Variants in USP13 observed in about 807,000 individuals in gnomAD.
USP13 encodes ubiquitin specific peptidase 13.
In USP13, 68 loss-of-function variants were observed where a neutral mutation model predicts 107.8. That is an observed-to-expected ratio of 0.63 (90% CI 0.52 to 0.77). The LOEUF is 0.77. Ranked by LOEUF, USP13 falls within the 30% of genes least tolerant of loss-of-function variation. The pLI is 0.00. For missense variants in USP13, 945 were observed against 1,093.3 expected, an observed-to-expected ratio of 0.86 and a Z score of 1.91; for synonymous variants, 377 against 389.5, an observed-to-expected ratio of 0.97 and a Z score of 0.38.
chr3:179,693,760 G>A (rs1028325894), intron 3 of USP13, among the ~76,000 whole-genome samples: 2 of 151,788 alleles, frequency 1.3e-5, no homozygotes, highest in Non-Finnish European at 2.9e-5. Flanking sequence ...TGCAATATCC[G>A]CCCTCCGAGT....
rs1264103846 is a variant in USP13, at chr3:179,698,494, GT to G, written c.356-2503del. The stretch of plus-strand genomic sequence containing the variant: ...CATAGCTAGTAAATGCCAGAGTGGG[GT>G]TTTTTTTTTTCTTGTATTATATTTA... On this transcript the variant is annotated intron_variant, in intron 3 of 20. Transcript: ENST00000263966. Among the ~76,000 whole-genome samples, 122 of 148,928 alleles carry G rather than the reference GT, an allele frequency of 8.2e-4. 1 individual carries two copies. The highest frequency in any genetic ancestry group is 2.4e-3 in the African/African-American group (95 of 40,404).
chr3:179,757,886 G>A (rs966387122), intron 16 of USP13, among the ~76,000 whole-genome samples: 1 of 152,160 alleles, frequency 6.6e-6, no homozygotes, highest in African/African-American at 2.4e-5. Flanking sequence ...CATGCAACCT[G>A]GTAGGACAAT....
At chr3:179,725,001 C>G (rs1478634189) in intron 8 of USP13, among the ~76,000 whole-genome samples, 1 of 152,174 alleles carries the variant, frequency 6.6e-6, no homozygotes, top group African/African-American at 2.4e-5. Context: ...GGGCAGATCA[C>G]TTGAGGTCAG....
chr3:179,712,063 C>T (rs1470933952), intron 6 of USP13, among the ~76,000 whole-genome samples: 3 of 152,138 alleles, frequency 2.0e-5, no homozygotes. Context: ...CCTTATGGGA[C>T]CACTGCCATA....
rs564349344 is a variant in USP13 at position 179,713,212 on chromosome 3, G to A, written c.805+4255G>A. Among the ~76,000 whole-genome samples, 6 of 152,290 alleles carry A rather than the reference G, an allele frequency of 3.9e-5. 1 individual carries two copies. Among genetic ancestry groups the A allele is most frequent in the African/African-American group, 9.6e-5 (4 of 41,562 alleles). ...CAGCAATGCAGATCGTATACACTGT[G>A]ATAAGGGTTGTGAATTCATTTAGCT... On this transcript the variant is annotated intron_variant, in intron 6 of 20. Transcript: ENST00000263966.
chr3:179,761,150 G>C lies in USP13; in HGVS notation c.1987G>C (p.Glu663Gln). 6.2e-7 allele frequency: 1 copy of C among 1,614,190 alleles called. No individual in the cohort carries two copies. The highest frequency in any genetic ancestry group is 8.5e-7 in the Non-Finnish European group (1 of 1,180,044). ...IDESSVMQLAEMGFPLEACRK... is the reference protein window; with the variant it reads ...IDESSVMQLAQMGFPLEACRK... ...TGAGTCATCAGTGATGCAGCTGGCC[G>C]AGATGGGTTTCCCGCTGGAAGCATG... The change falls in exon 17 of 21, where the codon GAG (glutamate) becomes CAG (glutamine). Residue 663 changes from glutamate (E) to glutamine (Q), a missense_variant. Physicochemically the swap from Glu to Gln is conservative, Grantham distance 29. Coordinates refer to ENST00000263966, the MANE Select transcript of USP13 (RefSeq NM_003940.3).
intron 3 of USP13, among the ~76,000 whole-genome samples, chr3:179,700,512 A>T (rs946269850): frequency 2.6e-5 from 4 of 152,176 alleles, no homozygotes; most frequent in African/African-American, 9.7e-5. Flanking sequence ...AAGTAACATT[A>T]AGTTTTGGAG....
At chr3:179,730,585 CT>C (rs750399804) in intron 9 of USP13, 30 bp from the exon 10 acceptor site, 14 of 1,567,078 alleles carry the variant, frequency 8.9e-6, no homozygotes, top group Non-Finnish European at 1.0e-5. Flanking sequence ...CAACAATGAC[CT>C]TTTTGTTTCT....
At chr3:179,743,848 A>G (rs1714294644) in intron 12 of USP13, among the ~76,000 whole-genome samples, 1 of 151,610 alleles carries the variant, frequency 6.6e-6, no homozygotes, top group African/African-American at 2.4e-5. Context: ...GGACAGGGGA[A>G]TGAATTTTAA....
At position 179,752,320 on chromosome 3, in the gene USP13, T is replaced by C. The variant is rs1714641799; in HGVS notation, c.1745T>C (p.Val582Ala). 6.2e-7 allele frequency: 1 copy of C among 1,614,170 alleles called. No homozygotes were observed. The highest frequency in any genetic ancestry group is 8.5e-7 in the Non-Finnish European group (1 of 1,180,012). Reference protein sequence around the residue: ...SRFASFPEYLVVQIKKFTFGL... With the variant: ...SRFASFPEYLAVQIKKFTFGL... ...TTTGCTTCATTCCCTGAATACTTGG[T>C]AGTGCAGATAAAGAAGTTCACTTTT... The change falls in exon 14 of 21, where the codon GTA (valine) becomes GCA (alanine). Residue 582 changes from valine (V) to alanine (A), a missense_variant. Physicochemically the swap from Val to Ala is moderately conservative, Grantham distance 64 (BLOSUM62 0). Transcript: ENST00000263966.
At chr3:179,717,700 C>T (rs1299211186) in intron 6 of USP13, among the ~76,000 whole-genome samples, 1 of 151,962 alleles carries the variant, frequency 6.6e-6, no homozygotes, top group Non-Finnish European at 1.5e-5. Context: ...ATTTTTTGAT[C>T]CCTTGTCATA....
In USP13 at chr3:179,653,375, C is replaced by CT; in HGVS notation, c.152dup (p.Ser52LeufsTer8). 6.4e-7 allele frequency: 1 copy of CT among 1,566,520 alleles called. No homozygotes were observed. On this transcript the variant is annotated frameshift_variant, in exon 1 of 21. Coordinates refer to ENST00000263966, the MANE Select transcript of USP13 (RefSeq NM_003940.3). LOFTEE classifies it high-confidence loss of function. This position sits in a 1 kb window ranked among gnomAD's most constrained non-coding sequence, Gnocchi z 4.0. Reference sequence around the variant, plus strand: ...ACAGGGTCTACAAGAACGAGTGCGCCTTCTCCTACGACTCTCCCGTAAGTG... The same window carrying CT: ...ACAGGGTCTACAAGAACGAGTGCGCCTTTCTCCTACGACTCTCCCGTAAGTG...
At chr3:179,739,404 G>A (rs1180096685) in intron 10 of USP13, among the ~76,000 whole-genome samples, 3 of 152,172 alleles carry the variant, frequency 2.0e-5, no homozygotes, top group Non-Finnish European at 2.9e-5. Context: ...GGGTGGGCTC[G>A]TGAGCTTGAG....
intron 6 of USP13, among the ~76,000 whole-genome samples, chr3:179,719,699 A>G (rs1014770275): frequency 6.6e-6 from 1 of 152,236 alleles, no homozygotes; most frequent in Non-Finnish European, 1.5e-5. Context: ...CTTGTTTTAG[A>G]AAACTTAAAA....
intron 10 of USP13, among the ~76,000 whole-genome samples, chr3:179,733,281 C>T (rs2108506528): frequency 6.6e-6 from 1 of 152,290 alleles, no homozygotes; most frequent in African/African-American, 2.4e-5. Flanking sequence ...GAGGGCCCAT[C>T]CAGCTGGGTG....
chr3:179,688,083 A>G (rs1486672297), intron 2 of USP13, among the ~76,000 whole-genome samples: 1 of 112,774 alleles, frequency 8.9e-6, no homozygotes, highest in African/African-American at 3.3e-5. Flanking sequence ...CAGGATATCC[A>G]TCCATCCATC....
chr3:179,781,240 T>C (rs933845452), intron 19 of USP13, among the ~76,000 whole-genome samples: 2 of 152,238 alleles, frequency 1.3e-5, no homozygotes, highest in African/African-American at 4.8e-5. Context: ...CTACAAATGA[T>C]AACAGTTATC....
At chr3:179,680,228 G>T (rs943599924) in intron 1 of USP13, among the ~76,000 whole-genome samples, 3 of 151,540 alleles carry the variant, frequency 2.0e-5, no homozygotes, top group African/African-American at 7.3e-5. Context: ...GAGAGAAAGA[G>T]AACAATATAC....
chr3:179,711,372 C>G (rs1374673783), intron 6 of USP13, among the ~76,000 whole-genome samples: 2 of 152,044 alleles, frequency 1.3e-5, no homozygotes, highest in African/African-American at 4.8e-5. Context: ...CCAACCACGC[C>G]CAGGTAATTT....
Sources: gnomAD v4.1 joint callset for allele counts (sites outside exome capture counted in the v4.1 genomes callset) on GRCh38, gnomAD v4.1.1 for gene constraint, Gnocchi (gnomAD v3.1) non-coding constraint, MANE v1.5 for transcripts, NCBI Gene and HGNC (gene_info 2026-07-23, HGNC 2026-07-21) for gene names.